FREM1: variants seen among roughly 807,000 people sequenced by gnomAD.
FREM1 encodes FRAS1 related extracellular matrix 1.
FREM1 carries 220 observed loss-of-function variants against 210.1 expected under a neutral mutation model. That is an observed-to-expected ratio of 1.05 (90% CI 0.94 to 1.17). The LOEUF (loss-of-function observed/expected upper bound fraction) is 1.17, where lower values mean the gene tolerates loss of function less well. Ranked by LOEUF, FREM1 falls within the 50% of genes most tolerant of loss-of-function variation. The pLI is 0.00. For synonymous variants in FREM1, 1,189 were observed against 980.2 expected, an observed-to-expected ratio of 1.21 and a Z score of -3.98; for missense variants, 3,454 against 2,675.5, an observed-to-expected ratio of 1.29 and a Z score of -6.42.
intron 2 of FREM1, among the ~76,000 whole-genome samples, chr9:14,864,271 G>C (rs937260551): frequency 6.6e-6 from 1 of 152,220 alleles, no homozygotes; most frequent in African/African-American, 2.4e-5. Context: ...AATTGAGTTA[G>C]AGAGTTCTTT....
At chr9:14,860,886 C>CGTAT (rs1259253698) in intron 3 of FREM1, among the ~76,000 whole-genome samples, 2 of 61,344 alleles carry the variant, frequency 3.3e-5, no homozygotes, top group African/African-American at 1.1e-4. Flanking sequence ...TATATATACA[C>CGTAT]ATATATACAT....
At chr9:14,900,225 C>G (rs971586771) in intron 1 of FREM1, among the ~76,000 whole-genome samples, 1 of 152,188 alleles carries the variant, frequency 6.6e-6, no homozygotes, top group Admixed American at 6.5e-5. Flanking sequence ...CACCCAGTCA[C>G]CACTCCCAGA....
chr9:14,821,411 G>C (rs1040302545), intron 13 of FREM1, among the ~76,000 whole-genome samples: 2 of 152,038 alleles, frequency 1.3e-5, no homozygotes, highest in Non-Finnish European at 2.9e-5. Context: ...TCTCCATCAA[G>C]AGGCTTGAAT....
chr9:14,747,145 C>A, intron 33 of FREM1, 94 bp from the exon 34 acceptor site: 1 of 1,588,810 alleles, frequency 6.3e-7, no homozygotes, highest in Non-Finnish European at 8.6e-7. Flanking sequence ...TGTTGGGAAG[C>A]ATTTGTGTTG....
chr9:14,748,579 A>C lies in FREM1; in HGVS notation c.5618T>G (p.Ile1873Ser). 6.2e-7 allele frequency: 1 copy of C among 1,613,882 alleles called. No individual in the cohort carries two copies. Residue 1873 changes from isoleucine (I) to serine (S), a missense_variant, in exon 31 of 37, where the codon ATT becomes AGT. Ile to Ser is a moderately radical substitution (Grantham distance 142). Coordinates refer to ENST00000380880, the MANE Select transcript of FREM1 (RefSeq NM_001379081.2). ...QSKHSTWEKG[I>S]WHLLPPGSSS... is the part of the protein sequence containing the mutation. ...AGACCCTGGGGGCAGCAGATGCCAA[A>C]TGCCCTTCTCCCATGTGCTGTGCTT... is the stretch of plus-strand genomic sequence containing the variant.
chr9:14,786,396 T>C (rs1850432225), intron 23 of FREM1, among the ~76,000 whole-genome samples: 1 of 152,188 alleles, frequency 6.6e-6, no homozygotes, highest in African/African-American at 2.4e-5. Context: ...ATTTCTGAAC[T>C]TAAAAACACA....
chr9:14,773,024 T>C (rs1847869782), intron 25 of FREM1, among the ~76,000 whole-genome samples: 2 of 152,234 alleles, frequency 1.3e-5, no homozygotes, highest in African/African-American at 4.8e-5. Flanking sequence ...CTAGATCTTA[T>C]TCAACTTCTA....
chr9:14,881,542 T>C (rs989126129), intron 1 of FREM1, among the ~76,000 whole-genome samples: 1 of 152,240 alleles, frequency 6.6e-6, no homozygotes, highest in African/African-American at 2.4e-5. Flanking sequence ...TTCTATTTCA[T>C]GTAAACAATT....
chr9:14,860,910 C>CGT (rs1830086726), intron 3 of FREM1, among the ~76,000 whole-genome samples: 3 of 63,308 alleles, frequency 4.7e-5, no homozygotes, highest in Non-Finnish European at 8.0e-5. Context: ...TACACATATA[C>CGT]ACATATACAC....
intron 1 of FREM1, among the ~76,000 whole-genome samples, chr9:14,897,586 G>T (rs983029898): frequency 7.1e-5 from 8 of 113,394 alleles, no homozygotes; most frequent in African/African-American, 2.7e-4. Context: ...GAACTGTAAT[G>T]ATAATTTTTT....
At chr9:14,880,559 G>C (rs865793114) in intron 1 of FREM1, among the ~76,000 whole-genome samples, 1 of 148,086 alleles carries the variant, frequency 6.8e-6, no homozygotes, top group Non-Finnish European at 1.5e-5. Flanking sequence ...GGCCGAGATC[G>C]TGCCACTGCA....
chr9:14,845,820 A>C, intron 8 of FREM1, 140 bp downstream of exon 8: 1 of 828,286 alleles, frequency 1.2e-6, no homozygotes, highest in Non-Finnish European at 1.9e-6. Context: ...CAATGATTTC[A>C]AGATCTCCAG....
chr9:14,867,668 T>G (rs1831797900), intron 2 of FREM1, among the ~76,000 whole-genome samples: 2 of 152,190 alleles, frequency 1.3e-5, no homozygotes, highest in Admixed American at 1.3e-4. Flanking sequence ...TAGTACCACT[T>G]TTCAATAACC....
At chr9:14,872,851 C>T (rs1227864950) in intron 1 of FREM1, among the ~76,000 whole-genome samples, 1 of 151,912 alleles carries the variant, frequency 6.6e-6, no homozygotes, top group African/African-American at 2.4e-5. Context: ...CCATCAATAC[C>T]TAATTTATTG....
Position 14,776,090 on chromosome 9 carries a change from T to A in FREM1, c.4556A>T (p.Gln1519Leu). Reference sequence around the variant, plus strand: ...AGGGGAAAGCAGGCCCACGGCCCCTTGGGCCAGTCTCAACCCCTTGTTCCT... The same window carrying A: ...AGGGGAAAGCAGGCCCACGGCCCCTAGGGCCAGTCTCAACCCCTTGTTCCT... ...VTRNKGLRLA[Q>L]GAVGLLSPDL... Residue 1519 changes from glutamine (Q) to leucine (L), a missense_variant, in exon 25 of 37, where the codon CAA (glutamine) becomes CTA (leucine). Gln to Leu is a moderately radical substitution (Grantham distance 113). Transcript: ENST00000380880. 1 of 1,611,156 alleles carries A rather than the reference T, an allele frequency of 6.2e-7. No individual in the cohort carries two copies. Among genetic ancestry groups the A allele is most frequent in the East Asian group, 2.2e-5 (1 of 44,840 alleles).
intron 2 of FREM1, among the ~76,000 whole-genome samples, chr9:14,867,467 T>C (rs1190763821): frequency 1.3e-5 from 2 of 152,128 alleles, no homozygotes; most frequent in Admixed American, 6.5e-5. Flanking sequence ...GACGATAAAA[T>C]CTTACAAGCA....
chr9:14,774,029 A>G (rs765133820), intron 25 of FREM1: 31 of 503,714 alleles, frequency 6.2e-5, no homozygotes, highest in South Asian at 4.6e-4. Context: ...TATGATAAAA[A>G]TAAAAACAAT....
intron 26 of FREM1, 49 bp downstream of exon 26, chr9:14,770,556 C>A (rs1847351988): frequency 4.3e-6 from 6 of 1,404,982 alleles, no homozygotes; most frequent in African/African-American, 1.4e-5. Context: ...GCCCTGCCAG[C>A]CACTGGGTAT....
chr9:14,857,767 G>A lies in FREM1; in HGVS notation c.632-18C>T. On this transcript the variant is annotated intron_variant, in intron 4 of 36. Transcript: ENST00000380880. ...TCTCAGTTCTAGAATGTACAGCACT[G>A]GATTAAGAGAGTCACTTAAACATAA... 3 of 1,536,898 alleles carry A rather than the reference G, an allele frequency of 2.0e-6. No individual in the cohort carries two copies. Among genetic ancestry groups the A allele is most frequent in the East Asian group, 2.3e-5 (1 of 44,282 alleles).
Sources: gnomAD v4.1 joint callset for allele counts (sites outside exome capture counted in the v4.1 genomes callset) on GRCh38, gnomAD v4.1.1 for gene constraint, MANE v1.5 for transcripts, NCBI Gene and HGNC (gene_info 2026-07-23, HGNC 2026-07-21) for gene names.